Variants in WDFY4 observed in about 807,000 individuals in gnomAD.
The protein encoded by WDFY4 is WD repeat- and FYVE domain-containing protein 4.
WDFY4 carries 169 observed loss-of-function variants against 351.9 expected under a neutral mutation model. The observed-to-expected ratio is 0.48, with a 90% confidence interval of 0.42 to 0.55. The LOEUF (loss-of-function observed/expected upper bound fraction) is 0.55, where lower values mean the gene tolerates loss of function less well. Ranked by LOEUF, WDFY4 falls within the 20% of genes least tolerant of loss-of-function variation. WDFY4 has a pLI of 0.00. For synonymous variants in WDFY4, 1,622 were observed against 1,574.6 expected (o/e 1.03, Z -0.71); for missense variants, 3,803 against 3,935.6 (o/e 0.97, Z 0.90).
intron 47 of WDFY4, among the ~76,000 whole-genome samples, chr10:48,905,905 G>T (rs1589845704): frequency 1.3e-5 from 2 of 152,222 alleles, no homozygotes; most frequent in African/African-American, 4.8e-5. Flanking sequence ...ATTAAAAGCA[G>T]GTGGCTCTCC....
chr10:48,827,045 T>C, intron 36 of WDFY4, 136 bp downstream of exon 36: 1 of 759,470 alleles, frequency 1.3e-6, no homozygotes, highest in Non-Finnish European at 2.1e-6. Flanking sequence ...CCATATTTTG[T>C]GAAATGTTTG....
At chr10:48,938,387 C>A (rs1840531080) in intron 47 of WDFY4, among the ~76,000 whole-genome samples, 1 of 152,254 alleles carries the variant, frequency 6.6e-6, no homozygotes, top group South Asian at 2.1e-4. Context: ...TGAGAGGGTG[C>A]AGCCTTTAGC....
chr10:48,944,472 T>C (rs1840942407), intron 49 of WDFY4, among the ~76,000 whole-genome samples: 1 of 152,244 alleles, frequency 6.6e-6, no homozygotes, highest in South Asian at 2.1e-4. Context: ...ACCCGGGCTC[T>C]GGCCATCTGG....
intron 2 of WDFY4, among the ~76,000 whole-genome samples, chr10:48,716,104 C>A (rs777796371): frequency 2.0e-5 from 3 of 151,888 alleles, no homozygotes; most frequent in Admixed American, 6.6e-5. Flanking sequence ...AGTTTTGATG[C>A]GCCATTTTTT....
intron 3 of WDFY4, 106 bp from the exon 4 acceptor site, chr10:48,721,155 C>A: frequency 9.2e-7 from 1 of 1,090,500 alleles, no homozygotes; most frequent in Non-Finnish European, 1.4e-6. Context: ...ATGCCAAAGT[C>A]CTCTACAGAT....
At position 48,807,964 on chromosome 10, in the gene WDFY4, T is replaced by G; in HGVS notation, c.4838+6T>G. 9 of 1,534,022 alleles carry G rather than the reference T, an allele frequency of 5.9e-6. No homozygotes were observed. Among genetic ancestry groups the G allele is most frequent in the Non-Finnish European group, 7.0e-6 (8 of 1,139,472 alleles). ...CAGCTTCATCTGTCCTCTGAGTAAG[T>G]AGCTCCAGGAAGAGCAATTTGGCAG... On this transcript the variant is annotated splice_donor_region_variant and intron_variant, in intron 28 of 61. Coordinates refer to ENST00000325239, the MANE Select transcript of WDFY4 (RefSeq NM_001394531.1).
intron 1 of WDFY4, among the ~76,000 whole-genome samples, chr10:48,697,536 T>A (rs971590142): frequency 3.3e-5 from 5 of 152,260 alleles, no homozygotes; most frequent in African/African-American, 4.8e-5. Context: ...ACCAGGCATC[T>A]GATGTGCAGG....
intron 4 of WDFY4, 116 bp from the exon 5 acceptor site, chr10:48,723,317 C>A (rs551927541): frequency 7.6e-7 from 1 of 1,315,260 alleles, no homozygotes; most frequent in Non-Finnish European, 1.0e-6. Context: ...GGACTGGAGC[C>A]CAGAGGGACT....
At chr10:48,692,147 G>A (rs148085311) in intron 1 of WDFY4, among the ~76,000 whole-genome samples, 89 of 152,340 alleles carry the variant, frequency 5.8e-4, no homozygotes, top group African/African-American at 2.0e-3. Flanking sequence ...CTCAGCCTTC[G>A]AGTGGTGTGT....
chr10:48,927,769 C>A (rs778872626), intron 47 of WDFY4, among the ~76,000 whole-genome samples: 2 of 152,192 alleles, frequency 1.3e-5, no homozygotes, highest in African/African-American at 4.8e-5. Flanking sequence ...AGAGGTCACA[C>A]GGCCCAATAA....
chr10:48,930,463 C>G (rs1839927428), intron 47 of WDFY4, among the ~76,000 whole-genome samples: 1 of 152,096 alleles, frequency 6.6e-6, no homozygotes. Context: ...GGAGAGTGAT[C>G]AGTAGCATCG....
intron 43 of WDFY4, among the ~76,000 whole-genome samples, chr10:48,881,428 T>C (rs1034894590): frequency 3.3e-5 from 5 of 152,038 alleles, no homozygotes; most frequent in African/African-American, 9.7e-5. Flanking sequence ...TGGTGGAGGA[T>C]GAGACAGAGG....
chr10:48,779,851 T>G (rs1352013404), intron 18 of WDFY4, 90 bp from the exon 19 acceptor site: 7 of 1,427,874 alleles, frequency 4.9e-6, no homozygotes, highest in Admixed American at 4.1e-5. Context: ...CAAGGCCCAG[T>G]GGTTGACGTC....
At chr10:48,772,217 C>T (rs113210449) in intron 13 of WDFY4, among the ~76,000 whole-genome samples, 6 of 152,022 alleles carry the variant, frequency 3.9e-5, no homozygotes, top group African/African-American at 7.2e-5. Context: ...AAGGAGGATG[C>T]GCTCACAGCA....
intron 17 of WDFY4, 42 bp from the exon 18 acceptor site, chr10:48,778,569 G>T: frequency 6.5e-7 from 1 of 1,534,888 alleles, no homozygotes; most frequent in South Asian, 1.2e-5. Context: ...ATGCTCAGCA[G>T]GGCAGAACAA....
At chr10:48,768,581 G>A (rs900801211) in intron 13 of WDFY4, among the ~76,000 whole-genome samples, 1 of 152,078 alleles carries the variant, frequency 6.6e-6, no homozygotes, top group African/African-American at 2.4e-5. Context: ...GGTTAGGCGC[G>A]CCTATTGTGT....
At chr10:48,977,411 A>C (rs1370682260) in intron 59 of WDFY4, among the ~76,000 whole-genome samples, 1 of 151,100 alleles carries the variant, frequency 6.6e-6, no homozygotes, top group Non-Finnish European at 1.5e-5. Context: ...CCATCTCTCT[A>C]TCCACCCATC....
chr10:48,818,872 C>T (rs2067712067), intron 32 of WDFY4, among the ~76,000 whole-genome samples: 1 of 152,194 alleles, frequency 6.6e-6, no homozygotes, highest in Admixed American at 6.5e-5. Context: ...GGGATAGGAC[C>T]CACAGCCAGA....
intron 50 of WDFY4, among the ~76,000 whole-genome samples, chr10:48,946,442 A>C (rs1438038209): frequency 6.6e-6 from 1 of 152,288 alleles, no homozygotes; most frequent in Non-Finnish European, 1.5e-5. Flanking sequence ...TAATGACTCC[A>C]TGCCTAGGGG....
Sources: gnomAD v4.1 joint callset for allele counts (sites outside exome capture counted in the v4.1 genomes callset) on GRCh38, gnomAD v4.1.1 for gene constraint, MANE v1.5 for transcripts, NCBI Gene and HGNC (gene_info 2026-07-23, HGNC 2026-07-21) for gene names.